PLEKHA5: variants seen among roughly 807,000 people sequenced by gnomAD.
PLEKHA5 encodes pleckstrin homology domain containing A5, also known as pleckstrin homology domain-containing family A member 5.
PLEKHA5 carries 55 observed loss-of-function variants against 181.9 expected under a neutral mutation model. The ratio of observed to expected loss-of-function variants is 0.30; its 90% confidence interval spans 0.24 to 0.38. The LOEUF is 0.38. Ranked by LOEUF, PLEKHA5 falls within the 10% of genes least tolerant of loss-of-function variation. PLEKHA5 has a pLI of 1.00. For synonymous variants in PLEKHA5, 535 were observed against 529.4 expected (o/e 1.01, Z -0.15); for missense variants, 1,432 against 1,549.5 (o/e 0.92, Z 1.27).
chr12:19,216,483 C>T (rs1306506803), intron 3 of PLEKHA5, among the ~76,000 whole-genome samples: 5 of 151,722 alleles, frequency 3.3e-5, no homozygotes, highest in African/African-American at 7.3e-5. Flanking sequence ...GCCAACATGC[C>T]GAAACCCCAT....
intron 3 of PLEKHA5, among the ~76,000 whole-genome samples, chr12:19,172,629 C>T (rs998433315): frequency 6.6e-6 from 1 of 152,204 alleles, no homozygotes; most frequent in African/African-American, 2.4e-5. Context: ...ATGGAGACAA[C>T]TGTTTGCTTG....
At chr12:19,338,933 A>C (rs1398658713) in intron 21 of PLEKHA5, among the ~76,000 whole-genome samples, 1 of 152,056 alleles carries the variant, frequency 6.6e-6, no homozygotes, top group South Asian at 2.1e-4. Flanking sequence ...TGCTAAATAC[A>C]CTAGAAAAAT....
Position 19,200,349 on chromosome 12 carries a change from T to C in PLEKHA5, c.228-53591T>C, listed in dbSNP as rs529617812. The C allele has an allele frequency of 2.6e-6, 4 of 1,530,374 alleles. No homozygotes were observed. The African/African-American group carries it at 5.5e-5, about 21-fold the overall frequency. 94.8% of individuals were successfully genotyped at this position (1,530,374 alleles called of 1,614,324 possible). ...GCTGAATAGATTTCCTTTTCATTCT[T>C]CCTGGGAATAGAAGATGTAATGGAA... On this transcript the variant is annotated intron_variant, in intron 3 of 31. Coordinates refer to ENST00000429027, the MANE Select transcript of PLEKHA5 (RefSeq NM_001256470.2).
intron 15 of PLEKHA5, among the ~76,000 whole-genome samples, chr12:19,309,433 C>A (rs1409151137): frequency 2.0e-5 from 3 of 151,850 alleles, no homozygotes; most frequent in African/African-American, 7.3e-5. Flanking sequence ...GTTTTAAACT[C>A]TGTTGGAAAT....
At chr12:19,138,148 A>G (rs894730359) in intron 3 of PLEKHA5, among the ~76,000 whole-genome samples, 3 of 152,180 alleles carry the variant, frequency 2.0e-5, no homozygotes, top group Non-Finnish European at 4.4e-5. Flanking sequence ...ACAGGATGGA[A>G]TTTCTTTGAA....
At chr12:19,207,637 A>G (rs1469249695) in intron 3 of PLEKHA5, 7 of 152,210 alleles carry the variant, frequency 4.6e-5, no homozygotes, top group Admixed American at 6.5e-5. Context: ...TGTTCATAGC[A>G]GAACTTCTTG....
intron 3 of PLEKHA5, among the ~76,000 whole-genome samples, chr12:19,231,238 A>G (rs957755865): frequency 2.0e-5 from 3 of 152,116 alleles, no homozygotes; most frequent in Non-Finnish European, 2.9e-5. Flanking sequence ...TCCTACATCA[A>G]AAACATACCA....
intron 3 of PLEKHA5, among the ~76,000 whole-genome samples, chr12:19,199,660 C>T (rs1349265815): frequency 6.6e-6 from 1 of 152,076 alleles, no homozygotes; most frequent in South Asian, 2.1e-4. Context: ...GTTGAGATAC[C>T]AAGTCCCAGC....
intron 20 of PLEKHA5, among the ~76,000 whole-genome samples, chr12:19,331,947 A>T (rs1416636583): frequency 6.6e-6 from 1 of 151,894 alleles, no homozygotes; most frequent in Non-Finnish European, 1.5e-5. Flanking sequence ...GAGCCTGGGG[A>T]GTTGAGGCTG....
chr12:19,240,142 C>T (rs1430080), intron 3 of PLEKHA5, among the ~76,000 whole-genome samples: 15 of 152,220 alleles, frequency 9.9e-5, no homozygotes, highest in African/African-American at 3.6e-4. Flanking sequence ...CTGCACGATA[C>T]GGAATAAGTG....
At position 19,142,817 on chromosome 12, in the gene PLEKHA5, C is replaced by T. The variant is rs921956655; in HGVS notation, c.227+10367C>T. The stretch of plus-strand genomic sequence containing the variant: ...TTTGATCTGCATATTCCCATCCCCC[C>T]ATTTCTATTCTATTTTTATGTATTT... On this transcript the variant is annotated intron_variant, in intron 3 of 31. Coordinates refer to ENST00000429027, the MANE Select transcript of PLEKHA5 (RefSeq NM_001256470.2). Among the ~76,000 whole-genome samples the T allele has an allele frequency of 5.3e-5, 8 of 152,222 alleles. No individual in the cohort carries two copies. In the East Asian group the frequency reaches 1.4e-3, roughly 26 times the overall value.
At chr12:19,266,988 A>C (rs1178725097) in intron 8 of PLEKHA5, among the ~76,000 whole-genome samples, 1 of 152,162 alleles carries the variant, frequency 6.6e-6, no homozygotes, top group Non-Finnish European at 1.5e-5. Flanking sequence ...AAATCCAAGC[A>C]GACCTGAGAT....
intron 3 of PLEKHA5, among the ~76,000 whole-genome samples, chr12:19,248,555 A>G (rs543355570): frequency 1.8e-4 from 27 of 152,284 alleles, no homozygotes; most frequent in Middle Eastern, 3.4e-3. Context: ...TTATACTGCA[A>G]TGGCCTATAG....
chr12:19,299,055 T>C (rs1021205708), intron 15 of PLEKHA5, among the ~76,000 whole-genome samples: 2 of 152,228 alleles, frequency 1.3e-5, no homozygotes, highest in African/African-American at 4.8e-5. Flanking sequence ...ACCTAAGGTA[T>C]GACAAGCCTC....
chr12:19,284,162 G>A (rs557050729), intron 12 of PLEKHA5, among the ~76,000 whole-genome samples: 5 of 152,018 alleles, frequency 3.3e-5, no homozygotes, highest in East Asian at 1.9e-4. Flanking sequence ...TCTGCCTCCC[G>A]GGCTCAAGCG....
In PLEKHA5 at chr12:19,257,455, T is replaced by C; in HGVS notation, c.455T>C (p.Val152Ala). 1 of 1,599,004 alleles carries C rather than the reference T, an allele frequency of 6.3e-7. No individual in the cohort carries two copies. Among genetic ancestry groups the C allele is most frequent in the Non-Finnish European group, 8.6e-7 (1 of 1,168,142 alleles). ...TAGACTTCACGAGCTTCAAAAAAAG[T>C]TCATAATTTTGGAAAGAGGTCAAAT... Reference protein sequence around the residue: ...VGRTSRASKKVHNFGKRSNSI... With the variant: ...VGRTSRASKKAHNFGKRSNSI... Residue 152 changes from valine to alanine, a missense_variant, in exon 6 of 32, where the codon GTT becomes GCT. Around this residue, in one of 2 missense-constraint regions of PLEKHA5, gnomAD observed 289 missense variants for 381.1 expected, o/e 0.76. Coordinates refer to ENST00000429027, the MANE Select transcript of PLEKHA5 (RefSeq NM_001256470.2).
At position 19,129,809 on chromosome 12, in the gene PLEKHA5, G is replaced by A. The variant is rs78739424; in HGVS notation, c.10G>A (p.Asp4Asn). Residue 4 changes from aspartate (D) to asparagine (N), a missense_variant, in exon 1 of 32, where the codon GAT (aspartate) becomes AAT (asparagine). Physicochemically the swap from Asp to Asn is conservative, Grantham distance 23 (BLOSUM62 1). This residue lies in a region of PLEKHA5 where 289 missense variants were observed against 381.1 expected (regional missense o/e 0.76). Coordinates refer to ENST00000429027, the MANE Select transcript of PLEKHA5 (RefSeq NM_001256470.2). MAA[D>N]LNLEWISLPR... ...CGGCTAGGGATCAGACATGGCGGCG[G>A]ATCTGAACCTGGAGTGGATCTCCCT... 186 of 1,600,452 alleles carry A rather than the reference G, an allele frequency of 1.2e-4. No individual in the cohort carries two copies. In the East Asian group the frequency reaches 3.8e-3, roughly 33 times the overall value.
intron 3 of PLEKHA5, among the ~76,000 whole-genome samples, chr12:19,226,005 T>A (rs960051480): frequency 1.3e-5 from 2 of 152,214 alleles, no homozygotes; most frequent in African/African-American, 4.8e-5. Flanking sequence ...ACGTTAGTTA[T>A]TTTTCAATTG....
intron 3 of PLEKHA5, among the ~76,000 whole-genome samples, chr12:19,191,204 A>C (rs1319042835): frequency 6.6e-6 from 1 of 152,190 alleles, no homozygotes; most frequent in Non-Finnish European, 1.5e-5. Flanking sequence ...GCATTTCATT[A>C]TCTACTAATG....
Sources: gnomAD v4.1 joint callset for allele counts (sites outside exome capture counted in the v4.1 genomes callset) on GRCh38, gnomAD v4.1.1 for gene constraint, gnomAD v4.1.1 regional missense constraint, MANE v1.5 for transcripts, NCBI Gene and HGNC (gene_info 2026-07-23, HGNC 2026-07-21) for gene names.